Variants in NXPH1 observed in about 807,000 individuals in gnomAD.
NXPH1 encodes the protein neurexophilin-1.
NXPH1 carries 5 observed loss-of-function variants against 23.7 expected under a neutral mutation model. The ratio of observed to expected loss-of-function variants is 0.21; its 90% CI spans 0.11 to 0.44. The LOEUF (loss-of-function observed/expected upper bound fraction) is 0.44, where lower values mean the gene tolerates loss of function less well. Ranked by LOEUF, NXPH1 falls within the 20% of genes least tolerant of loss-of-function variation. The pLI is 0.99. For missense variants in NXPH1, 324 were observed against 321.6 expected (o/e 1.01, Z -0.06); for synonymous variants, 144 against 122.2 (o/e 1.18, Z -1.18).
At chr7:8,502,695 C>T (rs548071969) in intron 2 of NXPH1, among the ~76,000 whole-genome samples, 3 of 151,584 alleles carry the variant, frequency 2.0e-5, no homozygotes, top group Admixed American at 6.6e-5. Flanking sequence ...AGAAATAGGT[C>T]TCCTGTACCC....
At chr7:8,586,626 A>AATATATAT (rs201601131) in intron 2 of NXPH1, among the ~76,000 whole-genome samples, 77 of 147,426 alleles carry the variant, frequency 5.2e-4, no homozygotes, top group African/African-American at 1.6e-3. Context: ...GAGAATAATG[A>AATATATAT]ATATATATAT....
At chr7:8,668,266 T>G (rs770556544) in intron 2 of NXPH1, among the ~76,000 whole-genome samples, 9,843 of 96,742 alleles carry the variant, frequency 0.1, 853 homozygotes, top group East Asian at 0.48. Context: ...GTTTTTTTTT[T>G]TTTATTTTGT....
intron 2 of NXPH1, among the ~76,000 whole-genome samples, chr7:8,453,820 C>A (rs1191901384): frequency 1.3e-5 from 2 of 152,076 alleles, no homozygotes; most frequent in South Asian, 2.1e-4. Context: ...TCCAGTCTAT[C>A]ATTGATTGGG....
At chr7:8,735,598 C>T (rs1427504628) in intron 2 of NXPH1, among the ~76,000 whole-genome samples, 1 of 152,084 alleles carries the variant, frequency 6.6e-6, no homozygotes, top group African/African-American at 2.4e-5. Context: ...CTGAAATTTT[C>T]ATTTTTTGTT....
At chr7:8,494,376 A>G (rs1056397459) in intron 2 of NXPH1, among the ~76,000 whole-genome samples, 7 of 150,952 alleles carry the variant, frequency 4.6e-5, no homozygotes, top group Non-Finnish European at 1.0e-4. Flanking sequence ...TGAGATAGGT[A>G]GTATCTTTTT....
intron 2 of NXPH1, among the ~76,000 whole-genome samples, chr7:8,584,445 T>C (rs1818940891): frequency 6.6e-6 from 1 of 152,216 alleles, no homozygotes; most frequent in Non-Finnish European, 1.5e-5. Flanking sequence ...TGCATATTTT[T>C]ATTATATATA....
chr7:8,638,556 A>T (rs1276795361), intron 2 of NXPH1, among the ~76,000 whole-genome samples: 1 of 152,206 alleles, frequency 6.6e-6, no homozygotes, highest in East Asian at 1.9e-4. Flanking sequence ...GGAATGCCTT[A>T]TTTAAGGATT....
chr7:8,613,644 C>T (rs1042443783), intron 2 of NXPH1, among the ~76,000 whole-genome samples: 8 of 151,912 alleles, frequency 5.3e-5, no homozygotes, highest in African/African-American at 9.7e-5. Flanking sequence ...GTTCAGAATA[C>T]AGTTAGTAGA....
At chr7:8,698,330 A>T (rs976968294) in intron 2 of NXPH1, among the ~76,000 whole-genome samples, 4 of 152,220 alleles carry the variant, frequency 2.6e-5, no homozygotes, top group African/African-American at 7.2e-5. Flanking sequence ...TCAGGAATAC[A>T]ATTATTGCAC....
intron 2 of NXPH1, among the ~76,000 whole-genome samples, chr7:8,567,004 A>G (rs1818559557): frequency 6.6e-6 from 1 of 151,862 alleles, no homozygotes; most frequent in African/African-American, 2.4e-5. Flanking sequence ...TTTTAGTGAA[A>G]CATTCAGGCT....
chr7:8,554,186 CTA>C (rs1457617249), intron 2 of NXPH1, among the ~76,000 whole-genome samples: 1 of 151,576 alleles, frequency 6.6e-6, no homozygotes, highest in Admixed American at 6.6e-5. Context: ...AAAAATAAGA[CTA>C]TGCCAATGTT....
intron 2 of NXPH1, among the ~76,000 whole-genome samples, chr7:8,594,793 A>C (rs1819182226): frequency 6.6e-6 from 1 of 152,052 alleles, no homozygotes; most frequent in Admixed American, 6.6e-5. Context: ...CTAAAGAATC[A>C]ATGCCGCTTC....
intron 2 of NXPH1, among the ~76,000 whole-genome samples, chr7:8,725,433 T>C (rs1583247559): frequency 1.4e-5 from 2 of 148,082 alleles, no homozygotes; most frequent in Admixed American, 1.4e-4. Context: ...GAGGTTGCAG[T>C]GAGCTGAGAT....
At chr7:8,466,311 A>C (rs1816785619) in intron 2 of NXPH1, among the ~76,000 whole-genome samples, 1 of 152,222 alleles carries the variant, frequency 6.6e-6, no homozygotes, top group Admixed American at 6.5e-5. Context: ...GTCTGTATAC[A>C]AGATGGACAC....
intron 2 of NXPH1, among the ~76,000 whole-genome samples, chr7:8,620,818 A>G (rs1819852234): frequency 6.6e-6 from 1 of 152,218 alleles, no homozygotes; most frequent in Non-Finnish European, 1.5e-5. Context: ...TGTCACTTTA[A>G]AGGCCTCATG....
chr7:8,720,254 G>A (rs939311183), intron 2 of NXPH1, among the ~76,000 whole-genome samples: 1 of 152,188 alleles, frequency 6.6e-6, no homozygotes, highest in Admixed American at 6.5e-5. Flanking sequence ...GGTAATACCA[G>A]TAATAGTAAT....
At chr7:8,636,535 G>T (rs541591337) in intron 2 of NXPH1, among the ~76,000 whole-genome samples, 1 of 152,126 alleles carries the variant, frequency 6.6e-6, no homozygotes, top group Non-Finnish European at 1.5e-5. Flanking sequence ...AAAAAGGAAA[G>T]GGCAAACCAA....
At chr7:8,713,019 C>G (rs1396292576) in intron 2 of NXPH1, among the ~76,000 whole-genome samples, 2 of 152,080 alleles carry the variant, frequency 1.3e-5, no homozygotes, top group Non-Finnish European at 2.9e-5. Context: ...CCCTCTCTCT[C>G]TACCTCCTCT....
At chr7:8,656,106 T>C (rs1284655604) in intron 2 of NXPH1, among the ~76,000 whole-genome samples, 1 of 152,230 alleles carries the variant, frequency 6.6e-6, no homozygotes, top group Non-Finnish European at 1.5e-5. Context: ...TCTAAGTGAT[T>C]TATATCATTG....
Sources: gnomAD v4.1 joint callset for allele counts (sites outside exome capture counted in the v4.1 genomes callset) on GRCh38, gnomAD v4.1.1 for gene constraint, MANE v1.5 for transcripts, NCBI Gene and HGNC (gene_info 2026-07-23, HGNC 2026-07-21) for gene names.